Variants in ITSN2 observed in about 807,000 individuals in gnomAD.
ITSN2 encodes the protein intersectin-2.
In ITSN2, 156 loss-of-function variants were observed where a neutral mutation model predicts 243.7. The observed-to-expected ratio is 0.64, with a 90% CI of 0.56 to 0.73. The LOEUF is 0.73. Among genes scored for constraint, ITSN2 ranks in the 30% least tolerant of loss-of-function variants. The probability of loss-of-function intolerance (pLI) is 0.00; values close to 1 mark genes in which losing one functional copy is unlikely to be tolerated. For synonymous variants in ITSN2, 703 were observed against 699.9 expected, an observed-to-expected ratio of 1.00 and a Z score of -0.07; for missense variants, 1,801 against 1,996.1, an observed-to-expected ratio of 0.90 and a Z score of 1.86.
intron 22 of ITSN2, among the ~76,000 whole-genome samples, chr2:24,258,641 C>G (rs1156587865): frequency 2.0e-5 from 3 of 152,000 alleles, no homozygotes; most frequent in Non-Finnish European, 2.9e-5. Context: ...TCTATTATAC[C>G]CTTTCATTTT....
chr2:24,324,289 T>C (rs1684916263), intron 2 of ITSN2, among the ~76,000 whole-genome samples: 1 of 152,096 alleles, frequency 6.6e-6, no homozygotes, highest in Non-Finnish European at 1.5e-5. Context: ...TGCTCTAACA[T>C]ACATGGGTAT....
chr2:24,298,219 G>A (rs552151146), intron 13 of ITSN2, among the ~76,000 whole-genome samples: 107 of 152,172 alleles, frequency 7.0e-4, no homozygotes, highest in African/African-American at 1.9e-3. Flanking sequence ...GTGCAGTGGC[G>A]CGATCTCAGC....
chr2:24,298,038 G>A (rs1399673999), intron 13 of ITSN2, among the ~76,000 whole-genome samples: 1 of 149,850 alleles, frequency 6.7e-6, no homozygotes, highest in Admixed American at 6.6e-5. Context: ...AGGCTGGAGT[G>A]CAGTGGTGCG....
intron 15 of ITSN2, among the ~76,000 whole-genome samples, chr2:24,289,930 T>C (rs1255202140): frequency 6.6e-6 from 1 of 152,194 alleles, no homozygotes; most frequent in Admixed American, 6.5e-5. Flanking sequence ...TTTACCCCCA[T>C]TGATTATGAT....
At chr2:24,299,819 A>C in intron 12 of ITSN2, 90 bp downstream of exon 12, 2 of 1,158,152 alleles carry the variant, frequency 1.7e-6, no homozygotes, top group Non-Finnish European at 2.4e-6. Context: ...CAAAACAAAA[A>C]TTCAAAAATA....
Position 24,204,544 on chromosome 2 carries a change from G to A in ITSN2, c.4763-126C>T, listed in dbSNP as rs771216822. ...ACTCGAGACCATGGCAGCAGGAGCC[G>A]CTGCCTGGGGCACCATATCCCTGTG... On this transcript the variant is annotated intron_variant, in intron 38 of 39. Coordinates refer to ENST00000355123, the MANE Select transcript of ITSN2 (RefSeq NM_006277.3). This position sits in a 1 kb window ranked among gnomAD's most constrained non-coding sequence, Gnocchi z 5.1. The A allele has an allele frequency of 1.3e-5, 11 of 817,176 alleles. No individual in the cohort carries two copies. Among genetic ancestry groups the A allele is most frequent in the Admixed American group, 1.2e-4 (6 of 52,124 alleles). 50.6% of individuals were successfully genotyped at this position (817,176 alleles called of 1,614,324 possible). A position where few individuals can be genotyped will look rare whatever the true frequency, so the allele number is the denominator to read the frequency against.
In ITSN2 at chr2:24,282,255, C is replaced by T. The variant is rs767160501; in HGVS notation, c.1944+2508G>A. On this transcript the variant is annotated intron_variant, in intron 17 of 39. Coordinates refer to ENST00000355123, the MANE Select transcript of ITSN2 (RefSeq NM_006277.3). ...AAGCAGCTGGTCATCAAGAGCACGC[C>T]GGTGGAAGAGCATGTCAACAGGCAC... Among the ~76,000 whole-genome samples the T allele has an allele frequency of 3.9e-4, 60 of 152,282 alleles. 1 individual carries two copies. The highest frequency in any genetic ancestry group is 1.0e-3 in the Admixed American group (16 of 15,302).
At chr2:24,325,518 C>A (rs1685073312) in intron 2 of ITSN2, among the ~76,000 whole-genome samples, 2 of 151,510 alleles carry the variant, frequency 1.3e-5, no homozygotes, top group African/African-American at 4.9e-5. Flanking sequence ...TATCAACTAA[C>A]AGAACCCTTT....
In ITSN2 at chr2:24,209,899, C is replaced by CATGTAG; in HGVS notation, c.4386_4391dup (p.Tyr1463_Met1464insIleTyr). ...CAGAGGAAACAGCAAACTGCTTGACCATGTAGGTAAGAAGCAGGAAGTCAT... is the reference window on the plus strand; with the variant it reads ...CAGAGGAAACAGCAAACTGCTTGACCATGTAGATGTAGGTAAGAAGCAGGAAGTCAT... On this transcript the variant is annotated inframe_insertion, in exon 35 of 40. Coordinates refer to ENST00000355123, the MANE Select transcript of ITSN2 (RefSeq NM_006277.3). 3 of 1,614,174 alleles carry CATGTAG rather than the reference C, an allele frequency of 1.9e-6. No homozygotes were observed. Among genetic ancestry groups the CATGTAG allele is most frequent in the Non-Finnish European group, 2.5e-6 (3 of 1,180,028 alleles).
intron 1 of ITSN2, among the ~76,000 whole-genome samples, chr2:24,333,622 T>C (rs1686025927): frequency 6.6e-6 from 1 of 152,234 alleles, no homozygotes; most frequent in Non-Finnish European, 1.5e-5. Context: ...ACTGGCATTG[T>C]TCCCTTTGTA....
chr2:24,330,830 G>C (rs879813897), intron 1 of ITSN2, among the ~76,000 whole-genome samples: 6 of 151,712 alleles, frequency 4.0e-5, no homozygotes, highest in Admixed American at 6.6e-5. Flanking sequence ...GCAGTGGCGT[G>C]ATCTTGGCTC....
chr2:24,283,398 G>GT (rs984986596), intron 17 of ITSN2, among the ~76,000 whole-genome samples: 8 of 152,030 alleles, frequency 5.3e-5, no homozygotes, highest in African/African-American at 1.9e-4. Context: ...ATAATTTTTT[G>GT]TATTTTTAGT....
At chr2:24,261,444 T>C (rs1675840330) in intron 21 of ITSN2, 117 bp downstream of exon 21, 1 of 956,884 alleles carries the variant, frequency 1.0e-6, no homozygotes, top group Admixed American at 2.4e-5. Context: ...CAAAAAGTAG[T>C]CTTGAAGAGT....
At chr2:24,282,509 T>C (rs1205015788) in intron 17 of ITSN2, among the ~76,000 whole-genome samples, 1 of 152,206 alleles carries the variant, frequency 6.6e-6, no homozygotes, top group African/African-American at 2.4e-5. Flanking sequence ...GAAATCCCTC[T>C]GTTCTGTCCT....
At chr2:24,252,759 T>C (rs1324024488) in intron 24 of ITSN2, among the ~76,000 whole-genome samples, 6 of 152,204 alleles carry the variant, frequency 3.9e-5, no homozygotes, top group Admixed American at 3.3e-4. Flanking sequence ...TTGTTTATTT[T>C]TTTATCACAA....
intron 12 of ITSN2, among the ~76,000 whole-genome samples, chr2:24,299,518 C>A (rs1466339791): frequency 6.6e-6 from 1 of 152,186 alleles, no homozygotes; most frequent in East Asian, 1.9e-4. Context: ...GAGAGACTTT[C>A]AATGCCCAGC....
chr2:24,327,954 T>C (rs984891936), intron 2 of ITSN2, 98 bp downstream of exon 2: 2 of 1,108,508 alleles, frequency 1.8e-6, no homozygotes. Flanking sequence ...TTTGTATTTA[T>C]ACACTTAAGG....
chr2:24,260,558 C>T (rs1675700959), intron 22 of ITSN2, among the ~76,000 whole-genome samples: 1 of 151,102 alleles, frequency 6.6e-6, no homozygotes, highest in African/African-American at 2.4e-5. Flanking sequence ...GTAAAAATAA[C>T]ATTTTGAGCT....
chr2:24,305,173 C>G (rs904668995), intron 8 of ITSN2, among the ~76,000 whole-genome samples: 1 of 152,100 alleles, frequency 6.6e-6, no homozygotes, highest in African/African-American at 2.4e-5. Flanking sequence ...CATGTCTTGC[C>G]CCTGTCTGTA....
Sources: allele counts gnomAD v4.1 joint callset (sites outside exome capture counted in the v4.1 genomes callset), GRCh38; gene constraint gnomAD v4.1.1; non-coding constraint Gnocchi (gnomAD v3.1); transcripts MANE v1.5; gene names NCBI Gene and HGNC (gene_info 2026-07-23, HGNC 2026-07-21).